NKAIN2: variants seen among roughly 807,000 people sequenced by gnomAD.
The protein encoded by NKAIN2 is sodium/potassium-transporting ATPase subunit beta-1-interacting protein 2.
NKAIN2 carries 14 observed loss-of-function variants against 32.6 expected under a neutral mutation model. The observed-to-expected ratio is 0.43, with a 90% confidence interval of 0.28 to 0.67. The LOEUF (loss-of-function observed/expected upper bound fraction) is 0.67, where lower values mean the gene tolerates loss of function less well. Among genes scored for constraint, NKAIN2 ranks in the 30% least tolerant of loss-of-function variants. NKAIN2 has a pLI of 0.17. For synonymous variants in NKAIN2, 80 were observed against 87.2 expected, an observed-to-expected ratio of 0.92 and a Z score of 0.46; for missense variants, 198 against 258.3, an observed-to-expected ratio of 0.77 and a Z score of 1.60.
chr6:123,935,765 TA>T (rs1196472738), intron 1 of NKAIN2, among the ~76,000 whole-genome samples: 1 of 152,072 alleles, frequency 6.6e-6, no homozygotes, highest in Non-Finnish European at 1.5e-5. Context: ...ATTCAAATAT[TA>T]AAATTTAATT....
intron 1 of NKAIN2, chr6:124,121,828 A>G (rs1009185475): frequency 1.6e-6 from 1 of 628,204 alleles, no homozygotes; most frequent in Non-Finnish European, 2.2e-6. Flanking sequence ...TTGCCTTTAA[A>G]TGGGTCACCC....
Position 124,120,790 on chromosome 6 carries a change from G to A in NKAIN2, c.55-162215G>A, listed in dbSNP as rs796566446. ...CCTTAATACAAGTAGAAAAGTATAC[G>A]TTAGATTTATTTTGTATTTGCTGGA... On this transcript the variant is annotated intron_variant, in intron 1 of 6. Coordinates refer to ENST00000368417, the MANE Select transcript of NKAIN2 (RefSeq NM_001040214.3). Among the ~76,000 whole-genome samples the A allele has an allele frequency of 9.9e-5, 15 of 152,128 alleles. No individual in the cohort carries two copies. In the East Asian group the frequency reaches 1.2e-3, roughly 12 times the overall value.
chr6:123,891,669 C>G (rs1205767178), intron 1 of NKAIN2, among the ~76,000 whole-genome samples: 24 of 152,136 alleles, frequency 1.6e-4, no homozygotes, highest in Non-Finnish European at 1.5e-5. Context: ...AATGTAATCG[C>G]AATTATAAGC....
At chr6:124,046,599 A>T (rs532114422) in intron 1 of NKAIN2, among the ~76,000 whole-genome samples, 38 of 152,124 alleles carry the variant, frequency 2.5e-4, no homozygotes, top group African/African-American at 8.9e-4. Context: ...AGCAATAAAG[A>T]GTTGATCTTA....
intron 3 of NKAIN2, among the ~76,000 whole-genome samples, chr6:124,610,478 A>G (rs1583515833): frequency 6.6e-6 from 1 of 152,218 alleles, no homozygotes; most frequent in East Asian, 1.9e-4. Flanking sequence ...GAGAACTAAT[A>G]TCTTTTTCAG....
At chr6:124,247,351 A>G (rs1332627391) in intron 1 of NKAIN2, among the ~76,000 whole-genome samples, 2 of 152,170 alleles carry the variant, frequency 1.3e-5, no homozygotes, top group Non-Finnish European at 2.9e-5. Context: ...AGAGCAAAGC[A>G]GGAGACATTA....
At chr6:124,605,940 A>G (rs537495277) in intron 3 of NKAIN2, among the ~76,000 whole-genome samples, 29 of 152,094 alleles carry the variant, frequency 1.9e-4, no homozygotes, top group African/African-American at 6.5e-4. Flanking sequence ...CTGTGCCTCC[A>G]ATGGTTTTGT....
chr6:124,793,289 A>G (rs1779829782), intron 5 of NKAIN2, among the ~76,000 whole-genome samples: 1 of 152,158 alleles, frequency 6.6e-6, no homozygotes, highest in South Asian at 2.1e-4. Flanking sequence ...GTTGAGTTTG[A>G]GGTACCTAGC....
intron 3 of NKAIN2, among the ~76,000 whole-genome samples, chr6:124,603,640 T>C (rs535078855): frequency 2.0e-5 from 3 of 151,938 alleles, no homozygotes; most frequent in Non-Finnish European, 4.4e-5. Context: ...CTCCACAAAT[T>C]AGAGTTTTTG....
chr6:124,158,147 C>A (rs1417234194), intron 1 of NKAIN2, among the ~76,000 whole-genome samples: 1 of 152,078 alleles, frequency 6.6e-6, no homozygotes, highest in African/African-American at 2.4e-5. Flanking sequence ...TGTCAAAGTG[C>A]CAGCAGGGCA....
intron 1 of NKAIN2, among the ~76,000 whole-genome samples, chr6:124,267,355 A>G (rs1219486131): frequency 6.6e-6 from 1 of 151,870 alleles, no homozygotes; most frequent in Admixed American, 6.6e-5. Flanking sequence ...GTAAGAATGT[A>G]TTTTTCAGCC....
chr6:123,967,613 G>T (rs1017282233), intron 1 of NKAIN2, among the ~76,000 whole-genome samples: 1 of 152,084 alleles, frequency 6.6e-6, no homozygotes, highest in African/African-American at 2.4e-5. Flanking sequence ...CTGAAGGTTG[G>T]TGTAGAGCAC....
In NKAIN2 at chr6:124,825,078, G is replaced by A. The variant is rs991965965; in HGVS notation, c.*1849G>A. 2.6e-5 allele frequency: 4 copies of A among 152,544 alleles called. No individual in the cohort carries two copies. Among genetic ancestry groups the A allele is most frequent in the African/African-American group, 9.7e-5 (4 of 41,414 alleles). The allele number at this position is 152,544 out of a possible 1,614,324, so 9.4% of individuals were successfully genotyped here. A position where few individuals can be genotyped will look rare whatever the true frequency, so the allele number is the denominator to read the frequency against. On this transcript the variant is annotated 3_prime_UTR_variant, in exon 7 of 7. Transcript: ENST00000368417. ...TTTTATAGTGACATGCATGTTTAATGTATGAGAAAAATATTTACCAATGTA... is the reference window on the plus strand; with the variant it reads ...TTTTATAGTGACATGCATGTTTAATATATGAGAAAAATATTTACCAATGTA...
chr6:123,924,162 A>G lies in NKAIN2; in HGVS notation c.54+119908A>G, dbSNP rs73553305. ...TTGAATTGAAGAAATGCATTTGGCAATTATTTAGCCTATTGGGTAGGTGAT... is the reference window on the plus strand; with the variant it reads ...TTGAATTGAAGAAATGCATTTGGCAGTTATTTAGCCTATTGGGTAGGTGAT... On this transcript the variant is annotated intron_variant, in intron 1 of 6. Transcript: ENST00000368417. Among the ~76,000 whole-genome samples the G allele has an allele frequency of 8.8e-3, 1,333 of 152,250 alleles. 13 individuals carry two copies. Among genetic ancestry groups the G allele is most frequent in the African/African-American group, 0.03 (1,252 of 41,540 alleles).
intron 3 of NKAIN2, among the ~76,000 whole-genome samples, chr6:124,561,430 A>G (rs1780687218): frequency 6.6e-6 from 1 of 152,150 alleles, no homozygotes; most frequent in Admixed American, 6.5e-5. Flanking sequence ...ATAGCATTTG[A>G]TGGAATGGCA....
At chr6:123,819,994 A>T (rs1773858933) in intron 1 of NKAIN2, among the ~76,000 whole-genome samples, 1 of 152,202 alleles carries the variant, frequency 6.6e-6, no homozygotes, top group Non-Finnish European at 1.5e-5. Flanking sequence ...GGTAGATAAA[A>T]TTCTCTGTAT....
At chr6:124,590,262 C>A (rs2114959399) in intron 3 of NKAIN2, among the ~76,000 whole-genome samples, 1 of 152,298 alleles carries the variant, frequency 6.6e-6, no homozygotes, top group Admixed American at 6.5e-5. Flanking sequence ...TGCCTCACAT[C>A]TAGTGTCAGG....
At chr6:124,218,708 A>G (rs1031794984) in intron 1 of NKAIN2, among the ~76,000 whole-genome samples, 3 of 152,212 alleles carry the variant, frequency 2.0e-5, no homozygotes, top group African/African-American at 7.2e-5. Context: ...CAATTATAGT[A>G]AGTTGTAGAT....
chr6:124,738,063 G>A (rs1777036287), intron 4 of NKAIN2, among the ~76,000 whole-genome samples: 1 of 151,850 alleles, frequency 6.6e-6, no homozygotes, highest in Non-Finnish European at 1.5e-5. Flanking sequence ...GAAACAAAGA[G>A]CCAATGTTAA....
Sources: allele counts gnomAD v4.1 joint callset (sites outside exome capture counted in the v4.1 genomes callset), GRCh38; gene constraint gnomAD v4.1.1; transcripts MANE v1.5; gene names NCBI Gene and HGNC (gene_info 2026-07-23, HGNC 2026-07-21).